DNM3: variants seen among roughly 807,000 people sequenced by gnomAD.
The protein encoded by DNM3 is dynamin-3.
Under a neutral mutation model 101.6 loss-of-function variants are expected in DNM3, and 47 were observed. That is an observed-to-expected ratio of 0.46 (90% CI 0.37 to 0.59). The LOEUF is 0.59. Among genes scored for constraint, DNM3 ranks in the 20% least tolerant of loss-of-function variants. The pLI is 0.00. For missense variants in DNM3, 849 were observed against 1,085.7 expected, an observed-to-expected ratio of 0.78 and a Z score of 3.06; for synonymous variants, 385 against 387.9, an observed-to-expected ratio of 0.99 and a Z score of 0.09.
chr1:171,959,813 GTCTGGAGTTAGGAGGTTTGTGC>G (rs2043097619), intron 2 of DNM3, among the ~76,000 whole-genome samples: 1 of 152,066 alleles, frequency 6.6e-6, no homozygotes, highest in Non-Finnish European at 1.5e-5. Flanking sequence ...CTACGGTGAG[GTCTGGAGTTAGGAGGTTTGTGC>G]TGACCTTAGC....
At chr1:172,313,565 A>C (rs2148885712) in intron 16 of DNM3, among the ~76,000 whole-genome samples, 1 of 152,338 alleles carries the variant, frequency 6.6e-6, no homozygotes, top group Non-Finnish European at 1.5e-5. Flanking sequence ...TTCAAGTCAA[A>C]TCCACTCACA....
intron 17 of DNM3, chr1:172,339,087 G>C (rs1279927858): frequency 2.1e-6 from 1 of 486,280 alleles, no homozygotes; most frequent in Non-Finnish European, 4.1e-6. Flanking sequence ...AAAGTTGGGG[G>C]GAACATCTCA....
intron 14 of DNM3, among the ~76,000 whole-genome samples, chr1:172,186,669 T>A (rs560958912): frequency 6.6e-6 from 1 of 152,166 alleles, no homozygotes; most frequent in African/African-American, 2.4e-5. Flanking sequence ...GTCAGCCCCC[T>A]CTCACTGAAG....
chr1:172,136,026 C>T (rs932900331), intron 14 of DNM3, among the ~76,000 whole-genome samples: 1 of 152,000 alleles, frequency 6.6e-6, no homozygotes. Flanking sequence ...ATGAGCTACT[C>T]CTAGGCAAGC....
At chr1:171,957,764 A>G (rs1004118808) in intron 2 of DNM3, among the ~76,000 whole-genome samples, 1 of 151,878 alleles carries the variant, frequency 6.6e-6, no homozygotes, top group Non-Finnish European at 1.5e-5. Context: ...CAAGTTCCTC[A>G]CCTCCATCTG....
At chr1:172,010,374 G>C (rs2047026220) in intron 4 of DNM3, among the ~76,000 whole-genome samples, 1 of 151,608 alleles carries the variant, frequency 6.6e-6, no homozygotes, top group African/African-American at 2.4e-5. Flanking sequence ...TTTCTTGTAG[G>C]ACAGGTCTCT....
At chr1:171,975,526 A>G (rs936655662) in intron 2 of DNM3, among the ~76,000 whole-genome samples, 1 of 152,238 alleles carries the variant, frequency 6.6e-6, no homozygotes, top group Non-Finnish European at 1.5e-5. Flanking sequence ...ACTCCAAGTT[A>G]TAAGAATCTG....
intron 15 of DNM3, among the ~76,000 whole-genome samples, chr1:172,297,110 T>C (rs1274916101): frequency 7.2e-6 from 1 of 139,260 alleles, no homozygotes; most frequent in Non-Finnish European, 1.5e-5. Context: ...GCCACTGCAC[T>C]CCAGCCGGGG....
At chr1:172,153,720 C>G (rs150070463) in intron 14 of DNM3, among the ~76,000 whole-genome samples, 123 of 152,168 alleles carry the variant, frequency 8.1e-4, no homozygotes, top group Middle Eastern at 3.4e-3. Context: ...TGTTTCTTCT[C>G]CTTAAATTTT....
At chr1:172,386,139 A>G (rs2149074176) in intron 18 of DNM3, among the ~76,000 whole-genome samples, 1 of 152,344 alleles carries the variant, frequency 6.6e-6, no homozygotes, top group East Asian at 1.9e-4. Flanking sequence ...GCCACTTGGT[A>G]TATACCATAC....
intron 8 of DNM3, among the ~76,000 whole-genome samples, chr1:172,043,567 G>C (rs1254193680): frequency 1.3e-5 from 2 of 152,180 alleles, no homozygotes; most frequent in African/African-American, 2.4e-5. Context: ...AGGGAGCCAG[G>C]CTTCTGAGCT....
intron 4 of DNM3, among the ~76,000 whole-genome samples, chr1:172,014,358 T>C (rs1359005932): frequency 1.3e-5 from 2 of 152,168 alleles, no homozygotes; most frequent in Non-Finnish European, 2.9e-5. Flanking sequence ...TATTTAGTTT[T>C]GTTAGAAACT....
intron 17 of DNM3, among the ~76,000 whole-genome samples, chr1:172,325,144 T>G (rs576683178): frequency 1.2e-3 from 176 of 152,290 alleles, no homozygotes; most frequent in African/African-American, 4.0e-3. Flanking sequence ...GTTTAATACA[T>G]TTTACTGATT....
chr1:172,013,040 A>G (rs922185251), intron 4 of DNM3, among the ~76,000 whole-genome samples: 1 of 152,064 alleles, frequency 6.6e-6, no homozygotes, highest in Non-Finnish European at 1.5e-5. Flanking sequence ...ACAAAAAAAA[A>G]TGCATTAACT....
chr1:172,023,270 C>T (rs898894974), intron 4 of DNM3, among the ~76,000 whole-genome samples: 1 of 152,106 alleles, frequency 6.6e-6, no homozygotes, highest in Non-Finnish European at 1.5e-5. Flanking sequence ...TGTATTCCTG[C>T]TTCCTGGATC....
intron 15 of DNM3, among the ~76,000 whole-genome samples, chr1:172,303,065 A>G (rs963596567): frequency 1.3e-5 from 2 of 152,314 alleles, no homozygotes; most frequent in African/African-American, 4.8e-5. Context: ...TCAGAAGGTC[A>G]GTAATAACAA....
chr1:172,192,739 G>A (rs920395678), intron 14 of DNM3, among the ~76,000 whole-genome samples: 1 of 151,818 alleles, frequency 6.6e-6, no homozygotes, highest in Admixed American at 6.6e-5. Flanking sequence ...GTATTCCATG[G>A]TGTGTATGTG....
intron 4 of DNM3, among the ~76,000 whole-genome samples, chr1:172,029,729 T>G (rs1287449637): frequency 6.6e-6 from 1 of 152,164 alleles, no homozygotes. Context: ...AAAATCAATG[T>G]GCAAAAATCA....
chr1:172,338,750 A>G (rs987646937), intron 17 of DNM3: 9 of 454,788 alleles, frequency 2.0e-5, no homozygotes, highest in Middle Eastern at 4.3e-4. Flanking sequence ...AGAAGTCATT[A>G]CCATATCTCT....
Sources: allele counts gnomAD v4.1 joint callset (sites outside exome capture counted in the v4.1 genomes callset), GRCh38; gene constraint gnomAD v4.1.1; transcripts MANE v1.5; gene names NCBI Gene and HGNC (gene_info 2026-07-23, HGNC 2026-07-21).